HECW2: variants seen among roughly 807,000 people sequenced by gnomAD.
HECW2 encodes the protein E3 ubiquitin-protein ligase HECW2.
In HECW2, 61 loss-of-function variants were observed where a neutral mutation model predicts 175.2. The ratio of observed to expected loss-of-function variants is 0.35; its 90% CI spans 0.28 to 0.43. HECW2 has a LOEUF of 0.43. Among genes scored for constraint, HECW2 ranks in the 20% least tolerant of loss-of-function variants. The probability of loss-of-function intolerance (pLI) is 1.00; values close to 1 mark genes in which losing one functional copy is unlikely to be tolerated. For missense variants in HECW2, 1,524 were observed against 2,000.5 expected, an observed-to-expected ratio of 0.76 and a Z score of 4.54; for synonymous variants, 671 against 731.0, an observed-to-expected ratio of 0.92 and a Z score of 1.32.
chr2:196,560,971 A>G (rs1409264590), intron 1 of HECW2, among the ~76,000 whole-genome samples: 2 of 152,222 alleles, frequency 1.3e-5, no homozygotes, highest in East Asian at 3.8e-4. Context: ...TGTTTGAACA[A>G]TATGAAACCT....
intron 1 of HECW2, among the ~76,000 whole-genome samples, chr2:196,548,425 A>T (rs1359501186): frequency 1.3e-5 from 2 of 152,138 alleles, no homozygotes; most frequent in Non-Finnish European, 2.9e-5. Context: ...CACCAAAAAA[A>T]TAGTCAAGGC....
At chr2:196,538,650 ACTTGT>A (rs1559165489) in intron 1 of HECW2, among the ~76,000 whole-genome samples, 1 of 152,096 alleles carries the variant, frequency 6.6e-6, no homozygotes, top group Non-Finnish European at 1.5e-5. Context: ...GAAAAAAATG[ACTTGT>A]CTTATTAAAA....
At chr2:196,308,460 A>T (rs1691354667) in intron 10 of HECW2, among the ~76,000 whole-genome samples, 1 of 152,218 alleles carries the variant, frequency 6.6e-6, no homozygotes, top group Admixed American at 6.5e-5. Flanking sequence ...CACCAAAAAA[A>T]CCTGATTTCT....
At chr2:196,427,729 T>C (rs1396140321) in intron 2 of HECW2, among the ~76,000 whole-genome samples, 1 of 152,160 alleles carries the variant, frequency 6.6e-6, no homozygotes, top group Non-Finnish European at 1.5e-5. Flanking sequence ...AAGGGATTAA[T>C]TGTTGTAATT....
intron 17 of HECW2, among the ~76,000 whole-genome samples, chr2:196,258,948 G>A (rs1456044998): frequency 6.6e-6 from 1 of 152,024 alleles, no homozygotes; most frequent in Non-Finnish European, 1.5e-5. Flanking sequence ...TTTTCTACTT[G>A]ATATTTTCAC....
intron 1 of HECW2, among the ~76,000 whole-genome samples, chr2:196,448,751 A>G (rs1696260606): frequency 6.6e-6 from 1 of 152,164 alleles, no homozygotes; most frequent in South Asian, 2.1e-4. Context: ...CCTTGTTGAG[A>G]AGTAGCAATT....
chr2:196,550,848 T>C (rs1421748699), intron 1 of HECW2, among the ~76,000 whole-genome samples: 1 of 152,228 alleles, frequency 6.6e-6, no homozygotes, highest in Non-Finnish European at 1.5e-5. Flanking sequence ...AGTGAGAACA[T>C]CCAATTCTTA....
chr2:196,377,010 G>C (rs371600159), intron 2 of HECW2, among the ~76,000 whole-genome samples: 1 of 152,164 alleles, frequency 6.6e-6, no homozygotes, highest in South Asian at 2.1e-4. Context: ...AAAAAACATA[G>C]AGTTACAAAC....
chr2:196,409,410 G>T (rs529200614), intron 2 of HECW2, among the ~76,000 whole-genome samples: 2 of 151,968 alleles, frequency 1.3e-5, no homozygotes, highest in South Asian at 4.2e-4. Flanking sequence ...CTCTGTCCAG[G>T]TCATACCTAC....
chr2:196,434,681 C>G (rs1425224915), intron 1 of HECW2, among the ~76,000 whole-genome samples: 1 of 152,230 alleles, frequency 6.6e-6, no homozygotes, highest in Non-Finnish European at 1.5e-5. Flanking sequence ...ATAATCCACT[C>G]ATGAATTTAT....
intron 19 of HECW2, chr2:196,242,643 A>C (rs1575280344): frequency 6.7e-6 from 1 of 149,114 alleles, no homozygotes; most frequent in South Asian, 2.0e-4. Flanking sequence ...GGTTTTAATC[A>C]TTCACTCTAA....
At chr2:196,540,819 C>T (rs565407222) in intron 1 of HECW2, among the ~76,000 whole-genome samples, 7 of 152,072 alleles carry the variant, frequency 4.6e-5, no homozygotes, top group Non-Finnish European at 8.8e-5. Context: ...TGAGGAAGCA[C>T]AATATTTTTA....
intron 1 of HECW2, among the ~76,000 whole-genome samples, chr2:196,564,828 C>A (rs1292565346): frequency 4.0e-5 from 6 of 151,810 alleles, no homozygotes; most frequent in African/African-American, 1.5e-4. Flanking sequence ...TTCAATATTC[C>A]AAATTTACAT....
At chr2:196,501,122 T>G (rs10190009) in intron 1 of HECW2, among the ~76,000 whole-genome samples, 5,106 of 152,310 alleles carry the variant, frequency 0.034, 289 homozygotes, top group African/African-American at 0.12. Context: ...ATCTTTTTTA[T>G]GAAAACCCTA....
intron 1 of HECW2, among the ~76,000 whole-genome samples, chr2:196,455,516 A>C (rs1240081352): frequency 1.3e-5 from 2 of 152,186 alleles, no homozygotes; most frequent in African/African-American, 4.8e-5. Flanking sequence ...CTTTATGATA[A>C]AAGAATTTTA....
intron 17 of HECW2, chr2:196,269,496 C>CAAAAAAAAAAAAAAAAAAAAA (rs66656524): frequency 5.8e-5 from 3 of 51,318 alleles, no homozygotes; most frequent in African/African-American, 1.8e-4. Flanking sequence ...CCCCTACCTC[C>CAAAAAAAAAAAAAAAAAAAAA]AAAAAAAAAA....
chr2:196,222,791 G>T (rs1421319306), intron 23 of HECW2, among the ~76,000 whole-genome samples: 1 of 151,684 alleles, frequency 6.6e-6, no homozygotes, highest in African/African-American at 2.4e-5. Flanking sequence ...TTAATTGAAA[G>T]ACATGATTTT....
At chr2:196,363,496 A>G (rs531403735) in intron 2 of HECW2, among the ~76,000 whole-genome samples, 18 of 152,324 alleles carry the variant, frequency 1.2e-4, no homozygotes, top group Non-Finnish European at 2.5e-4. Context: ...TAGGTGGCCA[A>G]TGGGTCCACA....
chr2:196,390,242 C>A (rs540439720), intron 2 of HECW2, among the ~76,000 whole-genome samples: 1 of 152,218 alleles, frequency 6.6e-6, no homozygotes, highest in Non-Finnish European at 1.5e-5. Flanking sequence ...AAAGGCCAAC[C>A]AAAAATTTGC....
Sources: allele counts gnomAD v4.1 joint callset (sites outside exome capture counted in the v4.1 genomes callset), GRCh38; gene constraint gnomAD v4.1.1; transcripts MANE v1.5; gene names NCBI Gene and HGNC (gene_info 2026-07-23, HGNC 2026-07-21).